The following CCDC149 variants were observed in gnomAD, a reference collection of about 807,000 sequenced individuals.
The protein encoded by CCDC149 is coiled-coil domain containing 149, also known as coiled-coil domain-containing protein 149.
Under a neutral mutation model 59.9 loss-of-function variants are expected in CCDC149, and 45 were observed. The observed-to-expected ratio is 0.75, with a 90% CI of 0.59 to 0.96. The LOEUF (loss-of-function observed/expected upper bound fraction) is 0.96. Among genes scored for constraint, CCDC149 ranks in the 40% least tolerant of loss-of-function variants. The probability of loss-of-function intolerance (pLI) is 0.00; values close to 1 mark genes in which losing one functional copy is unlikely to be tolerated. For missense variants in CCDC149, 584 were observed against 664.7 expected (o/e 0.88, Z 1.33); for synonymous variants, 245 against 260.6 (o/e 0.94, Z 0.58).
chr4:24,929,330 G>A (rs1056864378), intron 1 of CCDC149, among the ~76,000 whole-genome samples: 1 of 152,162 alleles, frequency 6.6e-6, no homozygotes, highest in Non-Finnish European at 1.5e-5. Context: ...ATTCTTCTCA[G>A]AGGCAGAAAG....
In CCDC149 at chr4:24,808,770, C is replaced by T. The variant is rs761119963; in HGVS notation, c.1242G>A (p.Ala414=). ...TCCCAGCATCCTCAGGCGCTGTCAA[C>T]GCCTCAGCAGCGGCACAACTTTCAT... is the stretch of plus-strand genomic sequence containing the variant. Residue 414 remains alanine, a synonymous_variant, in exon 13 of 13, where the codon GCG becomes GCA. Transcript: ENST00000635206. 28 of 1,551,674 alleles carry T rather than the reference C, an allele frequency of 1.8e-5. No homozygotes were observed. The highest frequency in any genetic ancestry group is 2.2e-5 in the Non-Finnish European group (25 of 1,147,006).
chr4:24,822,204 T>TA lies in CCDC149; in HGVS notation c.1042+292dup, dbSNP rs895410302. On this transcript the variant is annotated intron_variant, in intron 10 of 12. Transcript: ENST00000635206. ...AACAATTCACTACATTCACAAAAGT[T>TA]AAAAAAAAATACAGACACAGTGACA... Among the ~76,000 whole-genome samples, 268 of 151,094 alleles carry TA rather than the reference T, an allele frequency of 1.8e-3. 1 individual carries two copies. Among genetic ancestry groups the TA allele is most frequent in the African/African-American group, 5.2e-3 (214 of 41,284 alleles).
At chr4:24,817,694 G>A (rs1019330051) in intron 12 of CCDC149, among the ~76,000 whole-genome samples, 3 of 149,644 alleles carry the variant, frequency 2.0e-5, no homozygotes, top group Non-Finnish European at 4.4e-5. Flanking sequence ...TCCCTCATCC[G>A]TATGCAAGAG....
intron 4 of CCDC149, among the ~76,000 whole-genome samples, chr4:24,847,728 C>T (rs1384015848): frequency 4.6e-5 from 7 of 152,340 alleles, no homozygotes; most frequent in African/African-American, 1.4e-4. Flanking sequence ...ACTGGCAGAA[C>T]GAGAACATAA....
chr4:24,849,468 G>A (rs945303151), intron 4 of CCDC149, among the ~76,000 whole-genome samples: 1 of 152,204 alleles, frequency 6.6e-6, no homozygotes, highest in African/African-American at 2.4e-5. Context: ...AGAGATAGCA[G>A]GAGGTAATCA....
intron 9 of CCDC149, chr4:24,828,174 T>A (rs1203875198): frequency 1.3e-5 from 2 of 151,440 alleles, no homozygotes. Context: ...TATGTACTGA[T>A]GCGAAGCAAT....
chr4:24,822,848 T>C (rs1292034370), intron 9 of CCDC149: 2 of 273,714 alleles, frequency 7.3e-6, no homozygotes, highest in African/African-American at 4.4e-5. Flanking sequence ...AAATGATGAC[T>C]CCACCGCTGC....
intron 11 of CCDC149, 83 bp from the exon 12 acceptor site, chr4:24,820,058 A>C (rs997368278): frequency 2.1e-6 from 2 of 959,968 alleles, no homozygotes; most frequent in Non-Finnish European, 3.1e-6. Context: ...TAATCGGCAC[A>C]GGGCTGGCTA....
intron 1 of CCDC149, among the ~76,000 whole-genome samples, chr4:24,919,610 A>T (rs905004279): frequency 6.6e-6 from 1 of 152,232 alleles, no homozygotes; most frequent in African/African-American, 2.4e-5. Flanking sequence ...ATGGGTGATT[A>T]TACTCACCAA....
chr4:24,905,253 G>A (rs74286782), intron 1 of CCDC149, among the ~76,000 whole-genome samples: 3,950 of 151,754 alleles, frequency 0.026, 91 homozygotes, highest in South Asian at 0.098. Flanking sequence ...CTAGATGTGT[G>A]TTGTGCACAT....
intron 12 of CCDC149, among the ~76,000 whole-genome samples, chr4:24,809,214 G>A (rs140223216): frequency 5.3e-5 from 8 of 152,288 alleles, no homozygotes; most frequent in Admixed American, 1.3e-4. Flanking sequence ...AAAAGGTTCC[G>A]GCTGCATTGA....
chr4:24,967,772 CT>C (rs1307991307), intron 1 of CCDC149, among the ~76,000 whole-genome samples: 1 of 151,842 alleles, frequency 6.6e-6, no homozygotes, highest in Non-Finnish European at 1.5e-5. Flanking sequence ...GGCGGCGCCC[CT>C]CTTGCAGCAA....
At chr4:24,942,576 G>T (rs552526922) in intron 1 of CCDC149, among the ~76,000 whole-genome samples, 6 of 152,254 alleles carry the variant, frequency 3.9e-5, no homozygotes, top group African/African-American at 1.4e-4. Flanking sequence ...GAAATAAAGG[G>T]CATTCAATTA....
Position 24,837,508 on chromosome 4 carries a change from C to T in CCDC149, c.490-108G>A. 1.0e-6 allele frequency: 1 copy of T among 987,296 alleles called. No individual in the cohort carries two copies. The highest frequency in any genetic ancestry group is 1.5e-6 in the Non-Finnish European group (1 of 657,234). The allele number at this position is 987,296 out of a possible 1,614,324, so 61.2% of individuals were successfully genotyped here. On this transcript the variant is annotated intron_variant, in intron 5 of 12. Coordinates refer to ENST00000635206, the MANE Select transcript of CCDC149 (RefSeq NM_001330643.2). The surrounding 1 kb of genome is among the most constrained non-coding windows in gnomAD (Gnocchi z 4.3). ...GACTGATTTTTAGAGAGTTTATTAACACTACCCGCATGCCCTAAAGCCATA... is the reference window on the plus strand; with the variant it reads ...GACTGATTTTTAGAGAGTTTATTAATACTACCCGCATGCCCTAAAGCCATA...
chr4:24,913,724 C>T (rs1365577653), upstream of CCDC149, among the ~76,000 whole-genome samples: 1 of 152,074 alleles, frequency 6.6e-6, no homozygotes, highest in Non-Finnish European at 1.5e-5. Flanking sequence ...CAGGAGGATC[C>T]CTTGAGGACA....
At chr4:24,952,388 T>G (rs1012620472) in intron 1 of CCDC149, among the ~76,000 whole-genome samples, 1 of 151,462 alleles carries the variant, frequency 6.6e-6, no homozygotes, top group African/African-American at 2.4e-5. Context: ...GGTCGGGAGT[T>G]CAAGACCAGT....
chr4:24,854,196 A>G (rs1717858511), intron 3 of CCDC149, among the ~76,000 whole-genome samples: 2 of 152,180 alleles, frequency 1.3e-5, no homozygotes, highest in Non-Finnish European at 2.9e-5. Context: ...TTTTACTCAC[A>G]GTCCTCGCTC....
intron 6 of CCDC149, 151 bp from the exon 7 acceptor site, chr4:24,836,659 G>T (rs561833933): frequency 1.4e-5 from 8 of 583,356 alleles, no homozygotes; most frequent in African/African-American, 1.3e-4. Flanking sequence ...AGAAACATGT[G>T]CATCTTTGTG....
chr4:24,889,446 C>T (rs761254235), intron 1 of CCDC149, among the ~76,000 whole-genome samples: 9 of 152,242 alleles, frequency 5.9e-5, no homozygotes, highest in South Asian at 2.1e-4. Context: ...GAGATGCTGC[C>T]GGTACGCCTT....
Sources: allele counts gnomAD v4.1 joint callset (sites outside exome capture counted in the v4.1 genomes callset), GRCh38; gene constraint gnomAD v4.1.1; non-coding constraint Gnocchi (gnomAD v3.1); transcripts MANE v1.5; gene names NCBI Gene and HGNC (gene_info 2026-07-23, HGNC 2026-07-21).